CLASP1: variants seen among roughly 807,000 people sequenced by gnomAD.
CLASP1 encodes the protein CLIP-associating protein 1.
Under a neutral mutation model 192.3 loss-of-function variants are expected in CLASP1, and 38 were observed. That is an observed-to-expected ratio of 0.20 (90% CI 0.15 to 0.26). The LOEUF (loss-of-function observed/expected upper bound fraction) is 0.26. Among genes scored for constraint, CLASP1 ranks in the 10% least tolerant of loss-of-function variants. The pLI is 1.00. For synonymous variants in CLASP1, 691 were observed against 712.8 expected (o/e 0.97, Z 0.49); for missense variants, 1,433 against 1,932.5 (o/e 0.74, Z 4.85).
At chr2:121,577,856 C>T (rs766230064) in intron 2 of CLASP1, among the ~76,000 whole-genome samples, 28 of 152,076 alleles carry the variant, frequency 1.8e-4, no homozygotes, top group Non-Finnish European at 3.5e-4. Context: ...AGGAGAAGTG[C>T]TTGAGTCCAG....
rs144316172 is a variant in CLASP1, at chr2:121,457,093, G to T, written c.1385+594C>A. Among the ~76,000 whole-genome samples the T allele has an allele frequency of 6.6e-3, 1,002 of 152,316 alleles. 15 individuals are homozygous for T. The highest frequency in any genetic ancestry group is 0.023 in the African/African-American group (958 of 41,568). On this transcript the variant is annotated intron_variant, in intron 14 of 39. Transcript: ENST00000263710. ...ACACGTAGTTTAGGGCAGCTCGCCA[G>T]GACATATAAGATAGGGACTTGGGAA...
chr2:121,530,184 G>T (rs1366485787), intron 3 of CLASP1, 63 bp downstream of exon 3: 2 of 1,425,124 alleles, frequency 1.4e-6, no homozygotes, highest in Admixed American at 2.1e-5. Context: ...GGGAGCCGGG[G>T]AGGCCGAGGG....
rs985638837 is a variant in CLASP1, at chr2:121,425,268, T to C, written c.2083A>G (p.Ser695Gly). 5.6e-6 allele frequency: 9 copies of C among 1,612,478 alleles called. No homozygotes were observed. In the Admixed American group the frequency reaches 8.4e-5, roughly 15 times the overall value. Residue 695 changes from serine (S) to glycine (G), a missense_variant, in exon 22 of 40, where the codon AGT becomes GGT. By Grantham distance (56) the Ser-to-Gly change is moderately conservative. Around this residue, in one of 8 missense-constraint regions of CLASP1, gnomAD observed 445 missense variants for 535.5 expected, o/e 0.83. Coordinates refer to ENST00000263710, the Ensembl canonical transcript of CLASP1. ...CCCCCAGTAAGTCCACCATAACCAC[T>C]TCCCAACAATTTTCCTGGGGAACTT...
chr2:121,589,492 TG>T (rs1056433193), intron 2 of CLASP1, among the ~76,000 whole-genome samples: 4 of 152,096 alleles, frequency 2.6e-5, no homozygotes, highest in African/African-American at 9.6e-5. Flanking sequence ...TAGCCGGGTG[TG>T]GTGGTGCACG....
intron 2 of CLASP1, among the ~76,000 whole-genome samples, chr2:121,596,411 T>C (rs1271645994): frequency 6.6e-6 from 1 of 152,192 alleles, no homozygotes; most frequent in South Asian, 2.1e-4. Flanking sequence ...CAGAAGTCAC[T>C]TAATCTGAAT....
intron 1 of CLASP1, among the ~76,000 whole-genome samples, chr2:121,642,017 T>C (rs1344534928): frequency 1.3e-5 from 2 of 151,354 alleles, no homozygotes; most frequent in African/African-American, 2.4e-5. Flanking sequence ...AAAAAGCTCA[T>C]ACCCTTAAAT....
intron 6 of CLASP1, among the ~76,000 whole-genome samples, chr2:121,517,761 T>G (rs563474105): frequency 1.4e-5 from 2 of 145,404 alleles, no homozygotes; most frequent in African/African-American, 5.1e-5. Flanking sequence ...TGGGGGGGCC[T>G]GAGGTAAGAG....
At chr2:121,493,696 G>C (rs1163188519) in intron 8 of CLASP1, among the ~76,000 whole-genome samples, 1 of 151,694 alleles carries the variant, frequency 6.6e-6, no homozygotes, top group Non-Finnish European at 1.5e-5. Context: ...CTACCCATCT[G>C]ACAAGGGATT....
chr2:121,594,627 G>A (rs774861907), intron 2 of CLASP1, among the ~76,000 whole-genome samples: 7 of 151,992 alleles, frequency 4.6e-5, no homozygotes, highest in Admixed American at 6.6e-5. Flanking sequence ...TCCTGACCTC[G>A]TGATCTGCCC....
intron 2 of CLASP1, among the ~76,000 whole-genome samples, chr2:121,541,471 A>G (rs2095232311): frequency 6.6e-6 from 1 of 152,208 alleles, no homozygotes; most frequent in Non-Finnish European, 1.5e-5. Flanking sequence ...AACTGCAAAT[A>G]AGCCCGAGCC....
intron 19 of CLASP1, among the ~76,000 whole-genome samples, chr2:121,435,220 T>A (rs2082099581): frequency 6.6e-6 from 1 of 152,198 alleles, no homozygotes; most frequent in African/African-American, 2.4e-5. Flanking sequence ...AGTATGACAA[T>A]CTTTCTCATT....
chr2:121,404,347 G>A (rs2076595965), intron 26 of CLASP1, 24 bp downstream of exon 27: 3 of 1,608,724 alleles, frequency 1.9e-6, no homozygotes, highest in African/African-American at 2.7e-5. Flanking sequence ...GGTAAAGACA[G>A]GGCAGGCATG....
rs2069002350 is a variant in CLASP1 at position 121,629,281 on chromosome 2, T to C, written c.-286+20091A>G. On this transcript the variant is annotated intron_variant, in intron 1 of 39. Transcript: ENST00000263710. ...GGCAGGCACCTGCAGTCCCAGCTACTTGGGAGGCTGAGGTGGGAGAATGGC... is the reference window on the plus strand; with the variant it reads ...GGCAGGCACCTGCAGTCCCAGCTACCTGGGAGGCTGAGGTGGGAGAATGGC... 5.9e-5 allele frequency among the ~76,000 whole-genome samples: 9 copies of C among 151,852 alleles called. No individual in the cohort carries two copies. The South Asian group carries it at 1.9e-3, about 32-fold the overall frequency.
intron 39 of CLASP1, among the ~76,000 whole-genome samples, chr2:121,344,983 C>T (rs565614010): frequency 1.3e-5 from 2 of 152,254 alleles, no homozygotes; most frequent in Admixed American, 1.3e-4. Context: ...CCAGGCAAAA[C>T]CCCGTGTTGA....
At chr2:121,402,808 T>C in intron 26 of CLASP1, 1 of 375,084 alleles carries the variant, frequency 2.7e-6, no homozygotes, top group Non-Finnish European at 5.2e-6. Context: ...TGATAAATTT[T>C]ATCTTTGGAT....
rs535794246 is a variant in CLASP1 at position 121,631,374 on chromosome 2, G to C, written c.-286+17998C>G. Among the ~76,000 whole-genome samples, 6 of 138,220 alleles carry C rather than the reference G, an allele frequency of 4.3e-5. No homozygotes were observed. The South Asian group carries it at 1.4e-3, about 32-fold the overall frequency. 90.7% of individuals were successfully genotyped at this position (138,220 alleles called of 152,430 possible). A position where few individuals can be genotyped will look rare whatever the true frequency, so the allele number is the denominator to read the frequency against. ...ACGATCTTGGCTCACTGCAACTTCC[G>C]CCTCCTAGATTCAAGCAATTCTCCT... On this transcript the variant is annotated intron_variant, in intron 1 of 39. Transcript: ENST00000263710.
At chr2:121,435,952 T>C (rs2082224270) in intron 19 of CLASP1, among the ~76,000 whole-genome samples, 1 of 152,208 alleles carries the variant, frequency 6.6e-6, no homozygotes, top group Non-Finnish European at 1.5e-5. Context: ...CCTGTTTTCT[T>C]TGCAGTTAAT....
chr2:121,531,097 A>T (rs577157886), intron 2 of CLASP1: 30 of 653,140 alleles, frequency 4.6e-5, no homozygotes, highest in Non-Finnish European at 7.9e-5. Context: ...TAGAGGGTGC[A>T]CAAGACGCGT....
chr2:121,436,987 G>A (rs1018238946), intron 19 of CLASP1, among the ~76,000 whole-genome samples: 3 of 151,750 alleles, frequency 2.0e-5, no homozygotes, highest in African/African-American at 7.3e-5. Flanking sequence ...TTTCAGACAG[G>A]GTCTTGCTCT....
Sources: allele counts gnomAD v4.1 joint callset (sites outside exome capture counted in the v4.1 genomes callset), GRCh38; gene constraint gnomAD v4.1.1; regional missense constraint gnomAD v4.1.1; transcripts MANE v1.5; gene names NCBI Gene and HGNC (gene_info 2026-07-23, HGNC 2026-07-21).